Variants in DYNC1H1 observed in about 807,000 individuals in gnomAD.
DYNC1H1 encodes the protein dynein cytoplasmic 1 heavy chain 1.
Under a neutral mutation model 527.1 loss-of-function variants are expected in DYNC1H1, and 51 were observed. The observed-to-expected ratio is 0.10, with a 90% CI of 0.08 to 0.12. The LOEUF (loss-of-function observed/expected upper bound fraction) is 0.12. DYNC1H1 is among the 10% of genes least tolerant of loss of function. DYNC1H1 has a pLI of 1.00. For missense variants in DYNC1H1, 2,771 were observed against 5,971.8 expected, an observed-to-expected ratio of 0.46 and a Z score of 17.66; for synonymous variants, 2,189 against 2,278.8, an observed-to-expected ratio of 0.96 and a Z score of 1.12.
intron 29 of DYNC1H1, 27 bp downstream of exon 29, chr14:102,008,364 C>G (rs1476108881): frequency 3.0e-5 from 48 of 1,613,162 alleles, no homozygotes; most frequent in Non-Finnish European, 3.9e-5. Flanking sequence ...TCAAAAATTA[C>G]TTAGAGAATG....
At chr14:101,988,598 G>A in intron 9 of DYNC1H1, 105 bp from the exon 10 acceptor site, 1 of 1,469,350 alleles carries the variant, frequency 6.8e-7, no homozygotes, top group Non-Finnish European at 9.4e-7. Flanking sequence ...TTCTAGTCCG[G>A]AACTGTGTAT....
In DYNC1H1 at chr14:101,986,280, T is replaced by A; in HGVS notation, c.2055T>A (p.Asp685Glu). The A allele has an allele frequency of 6.2e-7, 1 of 1,613,672 alleles. No homozygotes were observed. ...TGGAGGGGCAGAAGCTGAAGCAGGATGGAGACAGCTTCCGCATGAAGCTCA... is the reference window on the plus strand; with the variant it reads ...TGGAGGGGCAGAAGCTGAAGCAGGAAGGAGACAGCTTCCGCATGAAGCTCA... The part of the protein sequence containing the change: ...NHVEGQKLKQ[D>E]GDSFRMKLNT... The change falls in exon 8 of 78, where the codon GAT (aspartate) becomes GAA (glutamate). Residue 685 changes from aspartate (D) to glutamate (E), a missense_variant. Coordinates refer to ENST00000360184, the MANE Select transcript of DYNC1H1 (RefSeq NM_001376.5). This position sits in a 1 kb window ranked among gnomAD's most constrained non-coding sequence, Gnocchi z 8.7.
chr14:101,970,478 T>G (rs890379645), intron 1 of DYNC1H1, among the ~76,000 whole-genome samples: 5 of 117,798 alleles, frequency 4.2e-5, no homozygotes, highest in East Asian at 2.5e-4. Context: ...TTGTTGTTTT[T>G]TTTTTTTTTT....
At chr14:101,989,246 A>G (rs2047969152) in intron 10 of DYNC1H1, among the ~76,000 whole-genome samples, 1 of 152,368 alleles carries the variant, frequency 6.6e-6, no homozygotes, top group South Asian at 2.1e-4. Context: ...ACTTCTTACC[A>G]TTCATGCAAT....
intron 1 of DYNC1H1, among the ~76,000 whole-genome samples, chr14:101,971,877 ACT>A (rs1460465558): frequency 5.9e-5 from 9 of 152,314 alleles, no homozygotes; most frequent in Non-Finnish European, 1.3e-4. Context: ...AATTCAATAA[ACT>A]CTCAAAAGTT....
intron 44 of DYNC1H1, 66 bp downstream of exon 44, chr14:102,026,773 G>A (rs545335719): frequency 5.4e-5 from 85 of 1,584,808 alleles, no homozygotes; most frequent in African/African-American, 4.3e-4. Context: ...TGTGTGTGCC[G>A]GGTCACACCA....
In DYNC1H1 at chr14:102,047,641, G is replaced by GTATGTA. The variant is rs1555412490; in HGVS notation, c.13007-173_13007-172insGTATAT. ...TACACGTGTGTGTGTGTGTGTGTGTGTATATATATATATATATATATATGT... is the reference window on the plus strand; with the variant it reads ...TACACGTGTGTGTGTGTGTGTGTGTGTATGTATATATATATATATATATATATATGT... On this transcript the variant is annotated intron_variant, in intron 72 of 77. Transcript: ENST00000360184. 4.9e-4 allele frequency: 155 copies of GTATGTA among 316,758 alleles called. 5 individuals are homozygous for GTATGTA. In the African/African-American group the frequency reaches 5.6e-3, roughly 11 times the overall value. The allele number at this position is 316,758 out of a possible 1,614,324, so 19.6% of individuals were successfully genotyped here. A position where few individuals can be genotyped will look rare whatever the true frequency, so the allele number is the denominator to read the frequency against.
rs141058250 is a variant in DYNC1H1 at position 101,965,924 on chromosome 14, A to G, written c.256+977A>G. Among the ~76,000 whole-genome samples the G allele has an allele frequency of 3.2e-4, 49 of 152,094 alleles. No individual in the cohort carries two copies. Among genetic ancestry groups the G allele is most frequent in the Middle Eastern group, 6.8e-3 (2 of 292 alleles). On this transcript the variant is annotated intron_variant, in intron 1 of 77. Transcript: ENST00000360184. The surrounding 1 kb of genome is among the most constrained non-coding windows in gnomAD (Gnocchi z 4.1). ...AATGATCGCCCACCAGCAAGGTTAC[A>G]TTCATCTAAGTCTGGGGCTTGCCTG...
At position 102,016,467 on chromosome 14, in the gene DYNC1H1, A is replaced by G. The variant is rs763389399; in HGVS notation, c.7592A>G (p.Asn2531Ser). 12 of 1,614,138 alleles carry G rather than the reference A, an allele frequency of 7.4e-6. 1 individual carries two copies. The South Asian group carries it at 1.3e-4, about 18-fold the overall frequency. Residue 2531 changes from asparagine to serine, a missense_variant, in exon 37 of 78, where the codon AAC becomes AGC. Asn to Ser is a conservative substitution (Grantham distance 46). Coordinates refer to ENST00000360184, the MANE Select transcript of DYNC1H1 (RefSeq NM_001376.5). The surrounding 1 kb of genome is among the most constrained non-coding windows in gnomAD (Gnocchi z 7.3). ...ACCGTGCCTCTGCCCACTGCGCCCA[A>G]CATACCCATTATCGATTATGAGGTG... ...ITTVPLPTAP[N>S]IPIIDYEVSI...
At chr14:101,989,500 C>T (rs1451681076) in intron 10 of DYNC1H1, among the ~76,000 whole-genome samples, 6 of 152,152 alleles carry the variant, frequency 3.9e-5, no homozygotes, top group Non-Finnish European at 8.8e-5. Context: ...TGTAAGTAGG[C>T]CCTATCTGCT....
intron 15 of DYNC1H1, among the ~76,000 whole-genome samples, chr14:101,995,805 A>G (rs1484835472): frequency 6.6e-6 from 1 of 152,092 alleles, no homozygotes; most frequent in Non-Finnish European, 1.5e-5. Context: ...TCATGCCTGT[A>G]ATCCCAGAAC....
Position 102,044,038 on chromosome 14 carries a change from C to T in DYNC1H1, c.12677C>T (p.Thr4226Met), listed in dbSNP as rs776972173. 4.3e-6 allele frequency: 7 copies of T among 1,613,780 alleles called. No individual in the cohort carries two copies. Among genetic ancestry groups the T allele is most frequent in the South Asian group, 1.1e-5 (1 of 91,076 alleles). ...ACGGTGGACACGTGGCTGGATGACA[C>T]GGCCAAGGCAAGTGTGGGCCATGCC... ...CDTVDTWLDD[T>M]AKGRQNISPD... Residue 4226 changes from threonine (T) to methionine (M), a missense_variant, in exon 70 of 78, where the codon ACG becomes ATG. By Grantham distance (81) the Thr-to-Met change is moderately conservative. Transcript: ENST00000360184. The surrounding 1 kb of genome is among the most constrained non-coding windows in gnomAD (Gnocchi z 7.1).
rs745843852 is a variant in DYNC1H1, at chr14:102,048,046, G to T, written c.13218+18G>T. On this transcript the variant is annotated intron_variant, in intron 73 of 77. Coordinates refer to ENST00000360184, the MANE Select transcript of DYNC1H1 (RefSeq NM_001376.5). ...ATATCAAGGTAGCTGGGAGGGTGGC[G>T]GGCCGGCCAGGTCTCAAGGTCCCAG... The T allele has an allele frequency of 1.3e-6, 2 of 1,599,840 alleles. No individual in the cohort carries two copies. Among genetic ancestry groups the T allele is most frequent in the African/African-American group, 1.3e-5 (1 of 74,504 alleles).
Position 102,039,806 on chromosome 14 carries a change from C to T in DYNC1H1, c.11690+74C>T. On this transcript the variant is annotated intron_variant, in intron 62 of 77. Coordinates refer to ENST00000360184, the MANE Select transcript of DYNC1H1 (RefSeq NM_001376.5). This position sits in a 1 kb window ranked among gnomAD's most constrained non-coding sequence, Gnocchi z 7.0. Reference sequence around the variant, plus strand: ...CAAGGGTTTCATGATCAGATACATGCTTTTATTATTTCTTTTATTTTCTCT... The same window carrying T: ...CAAGGGTTTCATGATCAGATACATGTTTTTATTATTTCTTTTATTTTCTCT... 1.4e-6 allele frequency: 2 copies of T among 1,463,348 alleles called. No individual in the cohort carries two copies. Among genetic ancestry groups the T allele is most frequent in the South Asian group, 2.3e-5 (2 of 85,734 alleles). The allele number at this position is 1,463,348 out of a possible 1,614,324, so 90.6% of individuals were successfully genotyped here.
rs780745783 is a variant in DYNC1H1, at chr14:101,971,085, C to CTTTT, written c.257-4600_257-4597dup. ...CTACTCAGGAGAGGGCCGTATCATT[C>CTTTT]TTTTTTTTTTTTTTTTTTTTTTTTT... On this transcript the variant is annotated intron_variant, in intron 1 of 77. Coordinates refer to ENST00000360184, the MANE Select transcript of DYNC1H1 (RefSeq NM_001376.5). Among the ~76,000 whole-genome samples the CTTTT allele has an allele frequency of 4.1e-3, 260 of 64,082 alleles. 4 individuals carry two copies. Among genetic ancestry groups the CTTTT allele is most frequent in the Middle Eastern group, 0.01 (1 of 96 alleles). The allele number at this position is 64,082 out of a possible 152,430, so 42.0% of individuals were successfully genotyped here. A position where few individuals can be genotyped will look rare whatever the true frequency, so the allele number is the denominator to read the frequency against.
In DYNC1H1 at chr14:101,964,844, G is replaced by T. The variant is rs1438924183; in HGVS notation, c.153G>T (p.Ala51=). The change falls in exon 1 of 78, where the codon GCG becomes GCT. Residue 51 remains alanine, a synonymous_variant. Transcript: ENST00000360184. This position sits in a 1 kb window ranked among gnomAD's most constrained non-coding sequence, Gnocchi z 5.5. ...AGGACGGCGGCGAGGCGCCGGCCGC[G>T]CTGGAGGCGGCGCTGGAGGAGAAGA... ...LLEDGGEAPA[A]LEAALEEKSA... is the part of the protein sequence containing the mutation. The T allele has an allele frequency of 8.8e-6, 14 of 1,598,260 alleles. No homozygotes were observed. Among genetic ancestry groups the T allele is most frequent in the Admixed American group, 6.9e-5 (4 of 57,626 alleles).
At position 102,044,055 on chromosome 14, in the gene DYNC1H1, G is replaced by C; in HGVS notation, c.12684+10G>C. 6.2e-7 allele frequency: 1 copy of C among 1,613,248 alleles called. No individual in the cohort carries two copies. The highest frequency in any genetic ancestry group is 8.5e-7 in the Non-Finnish European group (1 of 1,180,024). On this transcript the variant is annotated intron_variant, in intron 70 of 77. Coordinates refer to ENST00000360184, the MANE Select transcript of DYNC1H1 (RefSeq NM_001376.5). The surrounding 1 kb of genome is among the most constrained non-coding windows in gnomAD (Gnocchi z 7.1). Reference sequence around the variant, plus strand: ...GGATGACACGGCCAAGGCAAGTGTGGGCCATGCCAGGACAGACAGTGGACG... The same window carrying C: ...GGATGACACGGCCAAGGCAAGTGTGCGCCATGCCAGGACAGACAGTGGACG...
chr14:101,979,576 G>A lies in DYNC1H1; in HGVS notation c.518+84G>A. 1 of 1,607,382 alleles carries A rather than the reference G, an allele frequency of 6.2e-7. No homozygotes were observed. Among genetic ancestry groups the A allele is most frequent in the Non-Finnish European group, 8.5e-7 (1 of 1,175,396 alleles). ...TCGGTGTAAAACTTGGGAATTGGGA[G>A]GGTAACGCTAGTGAGCCGAGGGGAT... On this transcript the variant is annotated intron_variant, in intron 3 of 77. Transcript: ENST00000360184. The surrounding 1 kb of genome is among the most constrained non-coding windows in gnomAD (Gnocchi z 4.6).
Position 102,017,256 on chromosome 14 carries a change from A to G in DYNC1H1, c.8017A>G (p.Lys2673Glu). The G allele has an allele frequency of 6.2e-7, 1 of 1,614,250 alleles. No homozygotes were observed. Among genetic ancestry groups the G allele is most frequent in the Non-Finnish European group, 8.5e-7 (1 of 1,180,044 alleles). The change falls in exon 39 of 78, where the codon AAA becomes GAA. Residue 2673 changes from lysine (K) to glutamate (E), a missense_variant. By Grantham distance (56) the Lys-to-Glu change is moderately conservative. Transcript: ENST00000360184. This position sits in a 1 kb window ranked among gnomAD's most constrained non-coding sequence, Gnocchi z 4.6. ...TGAAATCAACTTGCCAGATATGGAT[A>G]AATATGGGACCCAGAGGGTCATATC... The part of the protein sequence containing the change: ...CDEINLPDMD[K>E]YGTQRVISFI...
Sources: gnomAD v4.1 joint callset for allele counts (sites outside exome capture counted in the v4.1 genomes callset) on GRCh38, gnomAD v4.1.1 for gene constraint, Gnocchi (gnomAD v3.1) non-coding constraint, MANE v1.5 for transcripts, NCBI Gene and HGNC (gene_info 2026-07-23, HGNC 2026-07-21) for gene names.